Variants in CLDN14 observed in about 807,000 individuals in gnomAD.
CLDN14 encodes claudin 14, also known as claudin-14.
A neutral mutation model predicts 2.1 loss-of-function variants in CLDN14; 2 were observed. The observed-to-expected ratio is 0.96, with a 90% CI of 0.39 to 3.01. The LOEUF (loss-of-function observed/expected upper bound fraction) is 3.01. Ranked by LOEUF, CLDN14 falls within the 30% of genes most tolerant of loss-of-function variation. CLDN14 has a pLI of 0.09. For missense variants in CLDN14, 298 were observed against 328.0 expected (o/e 0.91, Z 0.71); for synonymous variants, 136 against 154.4 (o/e 0.88, Z 0.88).
chr21:36,508,338 G>T (rs57161355), intron 2 of CLDN14, among the ~76,000 whole-genome samples: 7,127 of 152,232 alleles, frequency 0.047, 562 homozygotes, highest in African/African-American at 0.16. Context: ...AGCTCAAGTT[G>T]CCTTCATGGA....
At chr21:36,541,253 T>C (rs2087486125) in intron 1 of CLDN14, among the ~76,000 whole-genome samples, 1 of 152,218 alleles carries the variant, frequency 6.6e-6, no homozygotes, top group Non-Finnish European at 1.5e-5. Context: ...GTTGAGGGCT[T>C]ATCATGTATT....
chr21:36,570,039 C>A (rs1247565793), intron 1 of CLDN14, among the ~76,000 whole-genome samples: 1 of 152,174 alleles, frequency 6.6e-6, no homozygotes, highest in Non-Finnish European at 1.5e-5. Flanking sequence ...TTTATGGAGA[C>A]ACGAGACATC....
upstream of CLDN14, among the ~76,000 whole-genome samples, chr21:36,484,511 T>A (rs1224092749): frequency 6.6e-6 from 1 of 152,198 alleles, no homozygotes; most frequent in Non-Finnish European, 1.5e-5. Flanking sequence ...TGTGCTCCTC[T>A]GAGACTGGGT....
At chr21:36,537,169 C>T (rs2087430418) in intron 1 of CLDN14, among the ~76,000 whole-genome samples, 1 of 151,888 alleles carries the variant, frequency 6.6e-6, no homozygotes, top group Admixed American at 6.6e-5. Context: ...CCAGCCTAGG[C>T]AACAAGAGCA....
At chr21:36,525,720 C>T (rs1032451958) in intron 1 of CLDN14, among the ~76,000 whole-genome samples, 1 of 152,196 alleles carries the variant, frequency 6.6e-6, no homozygotes, top group Admixed American at 6.5e-5. Context: ...GAAGCCGAGG[C>T]TCTGCCATTG....
At chr21:36,539,294 G>A (rs2087458558) in intron 1 of CLDN14, among the ~76,000 whole-genome samples, 1 of 152,196 alleles carries the variant, frequency 6.6e-6, no homozygotes, top group African/African-American at 2.4e-5. Flanking sequence ...CAAAAAATAC[G>A]TGTGTGGTGT....
At chr21:36,546,738 A>C (rs1464148408) in intron 1 of CLDN14, among the ~76,000 whole-genome samples, 2 of 152,210 alleles carry the variant, frequency 1.3e-5, no homozygotes, top group Non-Finnish European at 2.9e-5. Flanking sequence ...TTCAACTTAC[A>C]GCCAACCTTT....
chr21:36,515,498 C>A (rs1448205564), intron 1 of CLDN14, among the ~76,000 whole-genome samples: 1 of 151,748 alleles, frequency 6.6e-6, no homozygotes, highest in Middle Eastern at 3.2e-3. Flanking sequence ...CCTGGTGAAA[C>A]CCTGTCTCTA....
chr21:36,535,773 A>G (rs753910494), intron 1 of CLDN14, among the ~76,000 whole-genome samples: 28 of 152,192 alleles, frequency 1.8e-4, no homozygotes, highest in Non-Finnish European at 3.8e-4. Flanking sequence ...AACGTCATGT[A>G]TAAGCAACTG....
chr21:36,538,270 A>T (rs1314076671), intron 1 of CLDN14, among the ~76,000 whole-genome samples: 1 of 152,140 alleles, frequency 6.6e-6, no homozygotes, highest in Non-Finnish European at 1.5e-5. Context: ...GATCAATGTT[A>T]ATGGGTTTCA....
rs2086563758 is a variant in CLDN14, at chr21:36,461,121, C to T, written c.575G>A (p.Arg192Lys). The T allele has an allele frequency of 6.2e-7, 1 of 1,614,086 alleles. No homozygotes were observed. Among genetic ancestry groups the T allele is most frequent in the South Asian group, 1.1e-5 (1 of 91,086 alleles). The change falls in exon 2 of 2, where the codon AGG becomes AAG. Residue 192 changes from arginine to lysine, a missense_variant. Transcript: ENST00000399135. ...CLSCQDEAPY[R>K]PYQAPPRATT... ...GGCCCTGGGCGGGGCCTGGTAGGGC[C>T]TGTAGGGTGCCTCGTCCTGGCAGGA...
chr21:36,541,687 G>C (rs2146510955), intron 1 of CLDN14, among the ~76,000 whole-genome samples: 1 of 152,226 alleles, frequency 6.6e-6, no homozygotes, highest in South Asian at 2.1e-4. Context: ...AAAGATTTCT[G>C]TATAAAACCT....
chr21:36,566,936 G>A (rs1196489025), intron 1 of CLDN14, among the ~76,000 whole-genome samples: 2 of 152,170 alleles, frequency 1.3e-5, no homozygotes, highest in Admixed American at 6.5e-5. Flanking sequence ...AGGTGCTTGC[G>A]GCCACTGGGC....
At chr21:36,545,556 A>G (rs572444758) in intron 1 of CLDN14, among the ~76,000 whole-genome samples, 31 of 152,316 alleles carry the variant, frequency 2.0e-4, no homozygotes, top group Middle Eastern at 3.4e-3. Flanking sequence ...TATTTCTCTT[A>G]AGTTGCCTAA....
Position 36,544,475 on chromosome 21 carries a change from C to CT in CLDN14, c.-220+31935dup, listed in dbSNP as rs1307607454. ...AGTCATCCCTGCCTGCAGCTATTGACTGTTTGCATAGGAGGGGATGGAGTT... is the reference window on the plus strand; with the variant it reads ...AGTCATCCCTGCCTGCAGCTATTGACTTGTTTGCATAGGAGGGGATGGAGTT... On this transcript the variant is annotated intron_variant, in intron 1 of 2. Transcript: ENST00000342108. The surrounding 1 kb of genome is among the most constrained non-coding windows in gnomAD (Gnocchi z 4.1). Among the ~76,000 whole-genome samples the CT allele has an allele frequency of 6.6e-6, 1 of 152,194 alleles. No individual in the cohort carries two copies. Among genetic ancestry groups the CT allele is most frequent in the Non-Finnish European group, 1.5e-5 (1 of 68,042 alleles).
At chr21:36,515,684 A>T (rs2087222509) in intron 1 of CLDN14, among the ~76,000 whole-genome samples, 2 of 151,890 alleles carry the variant, frequency 1.3e-5, no homozygotes, top group South Asian at 4.2e-4. Context: ...AAAAAAAAAA[A>T]AAAAATTTCT....
chr21:36,461,805 GGAGA>G, intron 1 of CLDN14, 29 bp from the exon 2 acceptor site: 1 of 1,422,572 alleles, frequency 7.0e-7, no homozygotes, highest in East Asian at 2.5e-5. Flanking sequence ...GCGGGAGCAG[GGAGA>G]GAAAGGAAAT....
chr21:36,525,654 C>A (rs944309843), intron 1 of CLDN14, among the ~76,000 whole-genome samples: 2 of 152,080 alleles, frequency 1.3e-5, no homozygotes, highest in Admixed American at 6.5e-5. Flanking sequence ...ATGGAAAGGG[C>A]GGGTGATGGG....
chr21:36,481,973 G>C (rs1255217624), upstream of CLDN14, among the ~76,000 whole-genome samples: 4 of 152,160 alleles, frequency 2.6e-5, no homozygotes, highest in African/African-American at 9.7e-5. Flanking sequence ...TGAGGGGGTA[G>C]AGAGGCTGGT....
Sources: allele counts gnomAD v4.1 joint callset (sites outside exome capture counted in the v4.1 genomes callset), GRCh38; gene constraint gnomAD v4.1.1; non-coding constraint Gnocchi (gnomAD v3.1); transcripts MANE v1.5; gene names NCBI Gene and HGNC (gene_info 2026-07-23, HGNC 2026-07-21).